The following ADGRE3 variants were observed in gnomAD, a reference collection of about 807,000 sequenced individuals.
ADGRE3 encodes the protein EGF-like module receptor 3.
ADGRE3 carries 88 observed loss-of-function variants against 80.1 expected under a neutral mutation model. The observed-to-expected ratio is 1.10, with a 90% CI of 0.93 to 1.31. The LOEUF (loss-of-function observed/expected upper bound fraction) is 1.31. ADGRE3 is among the 40% of genes most tolerant of loss of function. ADGRE3 has a pLI of 0.00. For missense variants in ADGRE3, 715 were observed against 776.5 expected (o/e 0.92, Z 0.94); for synonymous variants, 281 against 294.8 (o/e 0.95, Z 0.48).
intron 8 of ADGRE3, among the ~76,000 whole-genome samples, chr19:14,646,499 A>G (rs1204212793): frequency 2.0e-5 from 3 of 150,952 alleles, no homozygotes; most frequent in Non-Finnish European, 4.4e-5. Flanking sequence ...TGTGATTTAT[A>G]ATACTTGTAT....
At chr19:14,601,331 G>A in the ADGRE3 span, among the ~76,000 whole-genome samples, 3 of 152,258 alleles carry the variant, frequency 2.0e-5, no homozygotes, top group African/African-American at 7.2e-5. Context: ...ACATGTACAC[G>A]CCTATCTTTT....
rs1970567735 is a variant in ADGRE3 at position 14,620,564 on chromosome 19, ATATAT to A, written c.1921-1098_1921-1094del. ...ATATATATATTATATATATATATAT[ATATAT>A]TTTTTTTTTTTTTTTTTTTTTTTTT... is the stretch of plus-strand genomic sequence containing the variant. On this transcript the variant is annotated intron_variant, in intron 15 of 15. Coordinates refer to ENST00000253673, the MANE Select transcript of ADGRE3 (RefSeq NM_032571.5). Among the ~76,000 whole-genome samples the A allele has an allele frequency of 8.7e-5, 3 of 34,350 alleles. 1 individual carries two copies. The highest frequency in any genetic ancestry group is 3.5e-4 in the African/African-American group (3 of 8,548). 22.5% of individuals were successfully genotyped at this position (34,350 alleles called of 152,430 possible).
At chr19:14,639,821 G>T (rs1971198336) in intron 10 of ADGRE3, among the ~76,000 whole-genome samples, 1 of 152,142 alleles carries the variant, frequency 6.6e-6, no homozygotes, top group African/African-American at 2.4e-5. Context: ...TTTTGTACTT[G>T]TCTTTTTTGG....
chr19:14,640,329 G>A (rs972983381), intron 10 of ADGRE3, among the ~76,000 whole-genome samples: 7 of 152,018 alleles, frequency 4.6e-5, no homozygotes, highest in Non-Finnish European at 7.4e-5. Context: ...TGCTCTTGTT[G>A]CCCAGGCTGG....
In ADGRE3 at chr19:14,620,402, ATATATATGTATATTCATG is replaced by A. The variant is rs1296425833; in HGVS notation, c.1921-949_1921-932del. ...GATTCATATATACATGTATATATGA[ATATATATGTATATTCATG>A]TATATATGAATATATATGTATATTC... On this transcript the variant is annotated intron_variant, in intron 15 of 15. Transcript: ENST00000253673. 6.5e-3 allele frequency among the ~76,000 whole-genome samples: 779 copies of A among 119,558 alleles called. 12 individuals are homozygous for A. Among genetic ancestry groups the A allele is most frequent in the African/African-American group, 0.025 (739 of 29,712 alleles). 78.4% of individuals were successfully genotyped at this position (119,558 alleles called of 152,430 possible).
At chr19:14,639,991 C>A (rs1393635900) in intron 10 of ADGRE3, among the ~76,000 whole-genome samples, 3 of 152,192 alleles carry the variant, frequency 2.0e-5, no homozygotes, top group Admixed American at 2.0e-4. Context: ...AACCCCTTCC[C>A]TGCTGCCTTA....
chr19:14,669,465 G>A (rs1054406706), intron 1 of ADGRE3, among the ~76,000 whole-genome samples: 1 of 152,118 alleles, frequency 6.6e-6, no homozygotes, highest in Non-Finnish European at 1.5e-5. Context: ...ATGAGTGCAG[G>A]TGTCGCTTTG....
intron 2 of ADGRE3, among the ~76,000 whole-genome samples, chr19:14,667,216 C>T (rs896877874): frequency 1.6e-4 from 25 of 152,006 alleles, no homozygotes; most frequent in African/African-American, 4.3e-4. Flanking sequence ...TTGGAGCAGA[C>T]GGAAATTTTT....
At position 14,630,222 on chromosome 19, in the gene ADGRE3, T is replaced by A. The variant is rs1457011884; in HGVS notation, c.1644-15A>T. On this transcript the variant is annotated splice_polypyrimidine_tract_variant and intron_variant, in intron 13 of 15. Coordinates refer to ENST00000253673, the MANE Select transcript of ADGRE3 (RefSeq NM_032571.5). ...AAGCCAGCATCCTGGGAGGAGGAAG[T>A]CAGAGATTAGGATGTCAAAAAACTA... The A allele has an allele frequency of 6.3e-7, 1 of 1,591,588 alleles. No individual in the cohort carries two copies.
chr19:14,650,631 CT>C (rs1442728486), intron 7 of ADGRE3, among the ~76,000 whole-genome samples: 1 of 8,778 alleles, frequency 1.1e-4, no homozygotes, highest in Non-Finnish European at 2.3e-4. Context: ...CTGTCTCCAT[CT>C]CTCTCTCTCT....
At chr19:14,649,056 C>T (rs1971500666) in intron 7 of ADGRE3, among the ~76,000 whole-genome samples, 3 of 150,288 alleles carry the variant, frequency 2.0e-5, no homozygotes. Context: ...CTCCCCATCT[C>T]TCTAATTCCA....
In ADGRE3 at chr19:14,638,255, A is replaced by C. The variant is rs1568482897; in HGVS notation, c.1334T>G (p.Phe445Cys). The stretch of plus-strand genomic sequence containing the variant: ...CACTGTCAGGTTCCGTGCAGTGAGG[A>C]AGAGGTGCACACCCTCCAGCAGCAT... ...TWMLLEGVHL[F>C]LTARNLTVVN... is the part of the protein sequence containing the mutation. The change falls in exon 11 of 16, where the codon TTC becomes TGC. Residue 445 changes from phenylalanine to cysteine, a missense_variant. Physicochemically the swap from Phe to Cys is radical, Grantham distance 205. Coordinates refer to ENST00000253673, the MANE Select transcript of ADGRE3 (RefSeq NM_032571.5). 1 of 1,614,088 alleles carries C rather than the reference A, an allele frequency of 6.2e-7. No homozygotes were observed. Among genetic ancestry groups the C allele is most frequent in the Non-Finnish European group, 8.5e-7 (1 of 1,180,006 alleles).
chr19:14,657,083 A>G (rs1343467242), intron 5 of ADGRE3, among the ~76,000 whole-genome samples: 1 of 151,940 alleles, frequency 6.6e-6, no homozygotes, highest in South Asian at 2.1e-4. Context: ...TTTTGTAGAC[A>G]TGGGGGTTTC....
the ADGRE3 span, chr19:14,607,150 T>G: frequency 5.4e-4 from 400 of 742,374 alleles, no homozygotes; most frequent in Non-Finnish European, 6.9e-4. Context: ...CTGTGGGCCC[T>G]GACCATGGGG....
At chr19:14,635,708 C>T (rs1275885077) in intron 11 of ADGRE3, among the ~76,000 whole-genome samples, 3 of 152,070 alleles carry the variant, frequency 2.0e-5, no homozygotes, top group Non-Finnish European at 4.4e-5. Context: ...TCACTGCGCC[C>T]AGCTTTTCCA....
At chr19:14,639,893 T>G (rs1971201337) in intron 10 of ADGRE3, among the ~76,000 whole-genome samples, 1 of 152,220 alleles carries the variant, frequency 6.6e-6, no homozygotes, top group African/African-American at 2.4e-5. Flanking sequence ...ATATTGTTAT[T>G]GACTATAGTC....
chr19:14,644,264 A>G lies in ADGRE3; in HGVS notation c.894T>C (p.Ser298=). 6.5e-7 allele frequency: 1 copy of G among 1,527,868 alleles called. No individual in the cohort carries two copies. Among genetic ancestry groups the G allele is most frequent in the Non-Finnish European group, 8.8e-7 (1 of 1,137,206 alleles). The allele number at this position is 1,527,868 out of a possible 1,614,324, so 94.6% of individuals were successfully genotyped here. ...AGTAGACACAGAAGACCTTTTTGGT[A>G]CTGGGGGTCATCTGAAAATAGAAAA... ...LTFQHVKMTP[S]TKKVFCVYWK... is the part of the protein sequence containing the mutation. The change falls in exon 9 of 16, where the codon AGT becomes AGC. Residue 298 remains serine (S), a synonymous_variant. Coordinates refer to ENST00000253673, the MANE Select transcript of ADGRE3 (RefSeq NM_032571.5).
At chr19:14,651,431 AG>A (rs1274699604) in intron 6 of ADGRE3, among the ~76,000 whole-genome samples, 2 of 152,176 alleles carry the variant, frequency 1.3e-5, no homozygotes, top group African/African-American at 4.8e-5. Flanking sequence ...CTGAATGTCT[AG>A]GATGTGTCGG....
At chr19:14,668,647 G>A (rs1228203734) in intron 2 of ADGRE3, 155 bp downstream of exon 2, 1 of 580,834 alleles carries the variant, frequency 1.7e-6, no homozygotes, top group Non-Finnish European at 3.1e-6. Context: ...TTGATATAAT[G>A]ATAAATTAAG....
Sources: allele counts gnomAD v4.1 joint callset (sites outside exome capture counted in the v4.1 genomes callset), GRCh38; gene constraint gnomAD v4.1.1; transcripts MANE v1.5; gene names NCBI Gene and HGNC (gene_info 2026-07-23, HGNC 2026-07-21).